The following CDH12 variants were observed in gnomAD, a reference collection of about 807,000 sequenced individuals.
CDH12 encodes the protein cadherin 12.
A neutral mutation model predicts 74.1 loss-of-function variants in CDH12; 41 were observed. The ratio of observed to expected loss-of-function variants is 0.55; its 90% CI spans 0.43 to 0.72. CDH12 has a LOEUF of 0.72. CDH12 is among the 30% of genes least tolerant of loss of function. The probability of loss-of-function intolerance (pLI) is 0.00; values close to 1 mark genes in which losing one functional copy is unlikely to be tolerated. For missense variants in CDH12, 945 were observed against 977.2 expected (o/e 0.97, Z 0.44); for synonymous variants, 399 against 355.0 (o/e 1.12, Z -1.39).
chr5:22,685,577 C>T (rs1741741996), intron 1 of CDH12, among the ~76,000 whole-genome samples: 1 of 152,204 alleles, frequency 6.6e-6, no homozygotes, highest in Non-Finnish European at 1.5e-5. Context: ...TCACTCAGTA[C>T]TGAGCAACCA....
chr5:21,763,817 GTCT>G (rs1288153012), intron 12 of CDH12, among the ~76,000 whole-genome samples: 1 of 152,040 alleles, frequency 6.6e-6, no homozygotes, highest in Non-Finnish European at 1.5e-5. Context: ...TAACTTTGTG[GTCT>G]TCTTTCCTCA....
intron 6 of CDH12, among the ~76,000 whole-genome samples, chr5:21,890,414 A>G (rs1330869711): frequency 6.6e-6 from 1 of 152,130 alleles, no homozygotes; most frequent in East Asian, 1.9e-4. Flanking sequence ...CAGAAAGTCA[A>G]TTATTTGTTA....
chr5:22,521,271 C>A (rs1737045242), intron 1 of CDH12, among the ~76,000 whole-genome samples: 1 of 151,594 alleles, frequency 6.6e-6, no homozygotes. Flanking sequence ...GGCATTTTAT[C>A]TTAGTAATAT....
intron 3 of CDH12, among the ~76,000 whole-genome samples, chr5:22,226,291 T>C (rs1752193013): frequency 6.6e-6 from 1 of 152,028 alleles, no homozygotes; most frequent in Admixed American, 6.6e-5. Context: ...ATTAAGGTTA[T>C]GGTTGATCAT....
At chr5:22,073,861 G>T (rs1375295808) in intron 5 of CDH12, among the ~76,000 whole-genome samples, 1 of 151,906 alleles carries the variant, frequency 6.6e-6, no homozygotes, top group Non-Finnish European at 1.5e-5. Flanking sequence ...TTGAATGTAA[G>T]AAAACCAATT....
At chr5:21,982,487 A>G (rs1389008219) in intron 5 of CDH12, among the ~76,000 whole-genome samples, 2 of 151,766 alleles carry the variant, frequency 1.3e-5, no homozygotes, top group Non-Finnish European at 2.9e-5. Flanking sequence ...ATAGAGAGAT[A>G]TATCTATATA....
intron 1 of CDH12, among the ~76,000 whole-genome samples, chr5:22,679,298 T>A (rs1432534987): frequency 1.3e-5 from 2 of 152,158 alleles, no homozygotes; most frequent in Non-Finnish European, 2.9e-5. Context: ...CCTAACCTGA[T>A]GAAATCTCAC....
At chr5:22,761,087 T>C (rs1746204280) in intron 1 of CDH12, among the ~76,000 whole-genome samples, 1 of 152,230 alleles carries the variant, frequency 6.6e-6, no homozygotes, top group Admixed American at 6.5e-5. Flanking sequence ...TTTTTTGTCA[T>C]AGTTTAAAAT....
At chr5:22,307,080 A>AT (rs1481117584) in intron 3 of CDH12, among the ~76,000 whole-genome samples, 1 of 152,142 alleles carries the variant, frequency 6.6e-6, no homozygotes, top group African/African-American at 2.4e-5. Context: ...ATTCAAAACA[A>AT]TTTTCTGCAG....
At chr5:22,170,750 C>T (rs539369394) in intron 4 of CDH12, among the ~76,000 whole-genome samples, 2 of 151,824 alleles carry the variant, frequency 1.3e-5, no homozygotes, top group Non-Finnish European at 2.9e-5. Context: ...CACGAATTCA[C>T]TGAATTTGGG....
Position 22,007,080 on chromosome 5 carries a change from C to T in CDH12, c.232-31695G>A, listed in dbSNP as rs530176529. On this transcript the variant is annotated intron_variant, in intron 5 of 14. Coordinates refer to ENST00000382254, the MANE Select transcript of CDH12 (RefSeq NM_004061.5). ...TTACCAACCAGTTGCATTCAAGTCA[C>T]TAAATTAATTGTTTTAGAAAATCTC... Among the ~76,000 whole-genome samples, 297 of 152,144 alleles carry T rather than the reference C, an allele frequency of 2.0e-3. 1 individual carries two copies. Among genetic ancestry groups the T allele is most frequent in the African/African-American group, 6.7e-3 (280 of 41,520 alleles).
intron 1 of CDH12, among the ~76,000 whole-genome samples, chr5:22,842,196 A>G (rs1447772545): frequency 3.3e-5 from 5 of 152,174 alleles, no homozygotes; most frequent in East Asian, 1.9e-4. Flanking sequence ...TTACTTCTAC[A>G]TGACTTCTTT....
chr5:22,115,888 C>T (rs1038085785), intron 4 of CDH12, among the ~76,000 whole-genome samples: 1 of 151,954 alleles, frequency 6.6e-6, no homozygotes, highest in African/African-American at 2.4e-5. Flanking sequence ...GTCGGGGTTT[C>T]ACCATGTTGG....
chr5:21,816,746 G>A (rs547895144), intron 9 of CDH12, among the ~76,000 whole-genome samples, 199 bp downstream of exon 9: 39 of 150,804 alleles, frequency 2.6e-4, no homozygotes, highest in Non-Finnish European at 5.0e-4. Context: ...CTATTAGTAC[G>A]GAAATTTTGT....
At chr5:22,036,850 A>T (rs190411518) in intron 5 of CDH12, among the ~76,000 whole-genome samples, 4 of 152,206 alleles carry the variant, frequency 2.6e-5, no homozygotes, top group African/African-American at 4.8e-5. Flanking sequence ...GCATTTAGAT[A>T]ACTCATTTCC....
chr5:22,567,606 G>A (rs898744667), intron 1 of CDH12, among the ~76,000 whole-genome samples: 2 of 151,280 alleles, frequency 1.3e-5, no homozygotes, highest in Non-Finnish European at 2.9e-5. Context: ...ATTTTTTTCT[G>A]CTCCATTTTG....
intron 1 of CDH12, among the ~76,000 whole-genome samples, chr5:22,620,670 A>T (rs902149088): frequency 4.6e-5 from 7 of 152,150 alleles, no homozygotes; most frequent in African/African-American, 1.7e-4. Context: ...GATCAATAAT[A>T]AATGATCAAA....
At chr5:22,369,153 A>AAAAAT (rs537370172) in intron 3 of CDH12, among the ~76,000 whole-genome samples, 3 of 150,702 alleles carry the variant, frequency 2.0e-5, no homozygotes, top group African/African-American at 7.3e-5. Context: ...TGAATGAATA[A>AAAAAT]AAAATAAAAT....
At chr5:21,915,532 G>A (rs1169585534) in intron 6 of CDH12, among the ~76,000 whole-genome samples, 3 of 152,174 alleles carry the variant, frequency 2.0e-5, no homozygotes, top group Admixed American at 6.6e-5. Context: ...GTACTGGAGA[G>A]TGTAGATTAT....
Sources: gnomAD v4.1 joint callset for allele counts (sites outside exome capture counted in the v4.1 genomes callset) on GRCh38, gnomAD v4.1.1 for gene constraint, MANE v1.5 for transcripts, NCBI Gene and HGNC (gene_info 2026-07-23, HGNC 2026-07-21) for gene names.